Variants in ZNF57 observed in about 807,000 individuals in gnomAD.
The protein encoded by ZNF57 is zinc finger protein 57, also known as zinc finger protein 424.
A neutral mutation model predicts 13.4 loss-of-function variants in ZNF57; 11 were observed. The observed-to-expected ratio is 0.82, with a 90% CI of 0.52 to 1.36. The LOEUF (loss-of-function observed/expected upper bound fraction) is 1.36. Among genes scored for constraint, ZNF57 ranks in the 40% most tolerant of loss-of-function variants. The pLI is 0.00. For missense variants in ZNF57, 696 were observed against 667.5 expected (o/e 1.04, Z -0.47); for synonymous variants, 224 against 238.5 (o/e 0.94, Z 0.56).
Position 2,905,409 on chromosome 19 carries a change from C to A in ZNF57, c.3+4361C>A, listed in dbSNP as rs1239886451. On this transcript the variant is annotated intron_variant, in intron 1 of 3. Transcript: ENST00000306908. The stretch of plus-strand genomic sequence containing the variant: ...CGAACTCTTGACTTCAGGTGATCGC[C>A]CCCCCCCCCTCGGCATTCCAAAGTA... 3.1e-4 allele frequency among the ~76,000 whole-genome samples: 20 copies of A among 65,394 alleles called. 4 individuals carry two copies. The highest frequency in any genetic ancestry group is 1.1e-3 in the Admixed American group (11 of 9,698). 42.9% of individuals were successfully genotyped at this position (65,394 alleles called of 152,430 possible).
At position 2,909,814 on chromosome 19, in the gene ZNF57, C is replaced by T. The variant is rs1455552808; in HGVS notation, c.4-5708C>T. ...ACATGCTGGGATTACAGGCATGTGC[C>T]ACCACACCTGGCCTATTTGTACATG... On this transcript the variant is annotated intron_variant, in intron 1 of 3. Coordinates refer to ENST00000306908, the MANE Select transcript of ZNF57 (RefSeq NM_173480.3). Among the ~76,000 whole-genome samples, 10 of 47,470 alleles carry T rather than the reference C, an allele frequency of 2.1e-4. 4 individuals carry two copies. Among genetic ancestry groups the T allele is most frequent in the African/African-American group, 4.8e-4 (10 of 20,804 alleles). 31.1% of individuals were successfully genotyped at this position (47,470 alleles called of 152,430 possible).
chr19:2,903,642 A>AT (rs993149980), intron 1 of ZNF57, among the ~76,000 whole-genome samples: 74 of 149,450 alleles, frequency 5.0e-4, no homozygotes, highest in African/African-American at 1.1e-3. Context: ...CACTGTCCTG[A>AT]TTTTTTTTTT....
intron 1 of ZNF57, among the ~76,000 whole-genome samples, chr19:2,909,285 T>A (rs867164126): frequency 3.9e-5 from 5 of 129,684 alleles, no homozygotes; most frequent in African/African-American, 5.4e-5. Context: ...ATTTTTGTTT[T>A]TTTTTTTTTT....
chr19:2,901,380 G>C (rs1228915639), intron 1 of ZNF57, among the ~76,000 whole-genome samples: 1 of 151,960 alleles, frequency 6.6e-6, no homozygotes, highest in Admixed American at 6.5e-5. Context: ...AGCAGGTTGG[G>C]GATGTTACGC....
Position 2,917,884 on chromosome 19 carries a change from G to A in ZNF57, c.1263G>A (p.Glu421=), listed in dbSNP as rs1158571210. 5 of 1,613,768 alleles carry A rather than the reference G, an allele frequency of 3.1e-6. No homozygotes were observed. In the Admixed American group the frequency reaches 6.7e-5, roughly 22 times the overall value. ...CGCACACTGGAGAGAAGCCTTATGA[G>A]TGTAAACAATGTGGAAAAACCTTCA... ...LRTHTGEKPY[E]CKQCGKTFTW... is the part of the protein sequence containing the mutation. Residue 421 remains glutamate (E), a synonymous_variant, in exon 4 of 4, where the codon GAG becomes GAA. Transcript: ENST00000306908.
Position 2,918,155 on chromosome 19 carries a change from T to G in ZNF57, c.1534T>G (p.Ser512Ala), listed in dbSNP as rs745738091. The G allele has an allele frequency of 1.2e-6, 2 of 1,614,028 alleles. No individual in the cohort carries two copies. Among genetic ancestry groups the G allele is most frequent in the Non-Finnish European group, 1.7e-6 (2 of 1,180,042 alleles). Residue 512 changes from serine to alanine, a missense_variant, in exon 4 of 4, where the codon TCC becomes GCC. Ser to Ala is a moderately conservative substitution (Grantham distance 99, BLOSUM62 1). Around this residue, in one of 3 missense-constraint regions of ZNF57, gnomAD observed 645 missense variants for 591.5 expected, o/e 1.09. Transcript: ENST00000306908. ...TCACAAATGTAAACAATGTGGGATGTCCTTCAAGTGGCACTCCTCCTTCCG... is the reference window on the plus strand; with the variant it reads ...TCACAAATGTAAACAATGTGGGATGGCCTTCAAGTGGCACTCCTCCTTCCG... ...KPHKCKQCGM[S>A]FKWHSSFRNH...
intron 1 of ZNF57, among the ~76,000 whole-genome samples, chr19:2,910,217 A>G (rs1437509276): frequency 2.1e-5 from 1 of 48,062 alleles, no homozygotes; most frequent in African/African-American, 4.7e-5. Context: ...TTTTAGGGCA[A>G]TGCTGATTTA....
rs1325131445 is a variant in ZNF57 at position 2,916,141 on chromosome 19, A to G, written c.194A>G (p.Lys65Arg). 1 of 1,613,970 alleles carries G rather than the reference A, an allele frequency of 6.2e-7. No homozygotes were observed. Among genetic ancestry groups the G allele is most frequent in the East Asian group, 2.2e-5 (1 of 44,846 alleles). The change falls in exon 3 of 4, where the codon AAA (lysine) becomes AGA (arginine). Residue 65 changes from lysine (K) to arginine (R), a missense_variant. Transcript: ENST00000306908. Reference sequence around the variant, plus strand: ...CTGCAGGATATGTACGGGCAAGAAAAATCTAAGGAACAGACAATACCAAAC... The same window carrying G: ...CTGCAGGATATGTACGGGCAAGAAAGATCTAAGGAACAGACAATACCAAAC... ...VSLQDMYGQE[K>R]SKEQTIPNFT... is the part of the protein sequence containing the mutation.
chr19:2,916,769 C>G (rs1462814838), intron 3 of ZNF57, 155 bp from the exon 4 acceptor site: 1 of 575,730 alleles, frequency 1.7e-6, no homozygotes, highest in Non-Finnish European at 2.9e-6. Context: ...ATAATAAATA[C>G]TGCATTAAAA....
rs1340698446 is a variant in ZNF57, at chr19:2,918,052, G to C, written c.1431G>C (p.Glu477Asp). Residue 477 changes from glutamate to aspartate, a missense_variant, in exon 4 of 4, where the codon GAG becomes GAC. This residue lies in a region of ZNF57 where 645 missense variants were observed against 591.5 expected (regional missense o/e 1.09). Transcript: ENST00000306908. ...TGCACACTGGAGAGAAGCCTTATGA[G>C]TGTAAACAATGTGGAAAAACCTTCA... Reference protein sequence around the residue: ...LRMHTGEKPYECKQCGKTFTW... With the variant: ...LRMHTGEKPYDCKQCGKTFTW... The C allele has an allele frequency of 1.2e-6, 2 of 1,613,760 alleles. No individual in the cohort carries two copies. Among genetic ancestry groups the C allele is most frequent in the South Asian group, 2.2e-5 (2 of 91,066 alleles).
intron 3 of ZNF57, 169 bp from the exon 4 acceptor site, chr19:2,916,755 A>G: frequency 1.9e-6 from 1 of 519,992 alleles, no homozygotes; most frequent in Non-Finnish European, 3.2e-6. Context: ...GGAAAACCCC[A>G]TATATAATAA....
At chr19:2,907,563 T>C (rs921010289) in intron 1 of ZNF57, among the ~76,000 whole-genome samples, 4 of 152,224 alleles carry the variant, frequency 2.6e-5, no homozygotes, top group Non-Finnish European at 5.9e-5. Flanking sequence ...ATTGGTTCGT[T>C]TGTCCATCCT....
chr19:2,914,762 G>T (rs2088173671), intron 1 of ZNF57, among the ~76,000 whole-genome samples: 1 of 152,028 alleles, frequency 6.6e-6, no homozygotes, highest in Admixed American at 6.6e-5. Context: ...AACTTCTATG[G>T]CAATATGAAT....
In ZNF57 at chr19:2,917,151, G is replaced by A; in HGVS notation, c.530G>A (p.Cys177Tyr). 1 of 1,614,142 alleles carries A rather than the reference G, an allele frequency of 6.2e-7. No homozygotes were observed. Among genetic ancestry groups the A allele is most frequent in the South Asian group, 1.1e-5 (1 of 91,084 alleles). Residue 177 changes from cysteine to tyrosine, a missense_variant, in exon 4 of 4, where the codon TGC (cysteine) becomes TAC (tyrosine). By Grantham distance (194) the Cys-to-Tyr change is radical. Transcript: ENST00000306908. ...CCAGGTGAGGAATGTAAGCAGGCCT[G>A]CATTTGTCCCTCACACCTACACAGT... Reference protein sequence around the residue: ...APPGEECKQACICPSHLHSHG... With the variant: ...APPGEECKQAYICPSHLHSHG...
At chr19:2,908,458 T>G (rs1487955470) in intron 1 of ZNF57, among the ~76,000 whole-genome samples, 1 of 106,172 alleles carries the variant, frequency 9.4e-6, no homozygotes, top group Non-Finnish European at 1.7e-5. Flanking sequence ...TGTTATTTTT[T>G]TGGTTTTTTT....
chr19:2,915,556 T>C lies in ZNF57; in HGVS notation c.38T>C (p.Phe13Ser). ...SVVFEDVAVD[F>S]TLEEWALLDS... ...GTCTTTGAGGATGTGGCTGTGGACT[T>C]CACCCTGGAGGAGTGGGCTTTGCTG... is the stretch of plus-strand genomic sequence containing the variant. Residue 13 changes from phenylalanine to serine, a missense_variant, in exon 2 of 4, where the codon TTC becomes TCC. Phe to Ser is a radical substitution (Grantham distance 155, BLOSUM62 -2). This residue lies in a region of ZNF57 where 43 missense variants were observed against 53.5 expected (regional missense o/e 0.80). Transcript: ENST00000306908. The C allele has an allele frequency of 6.2e-7, 1 of 1,614,066 alleles. No individual in the cohort carries two copies. Among genetic ancestry groups the C allele is most frequent in the Non-Finnish European group, 8.5e-7 (1 of 1,179,942 alleles).
In ZNF57 at chr19:2,900,940, C is replaced by G. The variant is rs2088022957; in HGVS notation, c.-106C>G. 5 of 1,441,188 alleles carry G rather than the reference C, an allele frequency of 3.5e-6. No individual in the cohort carries two copies. The highest frequency in any genetic ancestry group is 9.4e-7 in the Non-Finnish European group (1 of 1,062,362). The allele number at this position is 1,441,188 out of a possible 1,614,324, so 89.3% of individuals were successfully genotyped here. A position where few individuals can be genotyped will look rare whatever the true frequency, so the allele number is the denominator to read the frequency against. On this transcript the variant is annotated 5_prime_UTR_variant, in exon 1 of 4. Coordinates refer to ENST00000306908, the MANE Select transcript of ZNF57 (RefSeq NM_173480.3). ...GGGACGTTTCGTCCTCCCTGCCGCG[C>G]GTGCCCTGCCTACCACGAGCGGCCC...
rs190426178 is a variant in ZNF57 at position 2,917,095 on chromosome 19, C to G, written c.474C>G (p.His158Gln). Reference sequence around the variant, plus strand: ...CGCATCTTTCTTCTCTTAAAAGGCACGTCAAGTCTCACTGTGGACGAAAAG... The same window carrying G: ...CGCATCTTTCTTCTCTTAAAAGGCAGGTCAAGTCTCACTGTGGACGAAAAG... ...VFTHLSSLKR[H>Q]VKSHCGRKAP... Residue 158 changes from histidine (H) to glutamine (Q), a missense_variant, in exon 4 of 4, where the codon CAC (histidine) becomes CAG (glutamine). By Grantham distance (24) the His-to-Gln change is conservative. Around this residue, in one of 3 missense-constraint regions of ZNF57, gnomAD observed 645 missense variants for 591.5 expected, o/e 1.09. Coordinates refer to ENST00000306908, the MANE Select transcript of ZNF57 (RefSeq NM_173480.3). 6.2e-7 allele frequency: 1 copy of G among 1,614,088 alleles called. No individual in the cohort carries two copies.
Position 2,905,411 on chromosome 19 carries a change from C to CCA in ZNF57, c.3+4364_3+4365insAC, listed in dbSNP as rs765695680. On this transcript the variant is annotated intron_variant, in intron 1 of 3. Transcript: ENST00000306908. ...AACTCTTGACTTCAGGTGATCGCCC[C>CCA]CCCCCCCTCGGCATTCCAAAGTATT... Among the ~76,000 whole-genome samples, 6 of 68,096 alleles carry CCA rather than the reference C, an allele frequency of 8.8e-5. 3 individuals are homozygous for CCA. The highest frequency in any genetic ancestry group is 1.8e-4 in the Non-Finnish European group (4 of 22,014). 44.7% of individuals were successfully genotyped at this position (68,096 alleles called of 152,430 possible).
Sources: gnomAD v4.1 joint callset for allele counts (sites outside exome capture counted in the v4.1 genomes callset) on GRCh38, gnomAD v4.1.1 for gene constraint, gnomAD v4.1.1 regional missense constraint, MANE v1.5 for transcripts, NCBI Gene and HGNC (gene_info 2026-07-23, HGNC 2026-07-21) for gene names.